Variants in CCDC144A observed in about 807,000 individuals in gnomAD.
The protein encoded by CCDC144A is coiled-coil domain-containing protein 144A.
Under a neutral mutation model 143.8 loss-of-function variants are expected in CCDC144A, and 41 were observed. The observed-to-expected ratio is 0.29, with a 90% CI of 0.22 to 0.37. The LOEUF (loss-of-function observed/expected upper bound fraction) is 0.37, where lower values mean the gene tolerates loss of function less well. Ranked by LOEUF, CCDC144A falls within the 10% of genes least tolerant of loss-of-function variation. The pLI is 1.00. For missense variants in CCDC144A, 637 were observed against 1,488.8 expected, an observed-to-expected ratio of 0.43 and a Z score of 9.41; for synonymous variants, 242 against 517.9, an observed-to-expected ratio of 0.47 and a Z score of 7.23.
Position 16,734,787 on chromosome 17 carries a change from AAAAT to A in CCDC144A, c.2517_2520del (p.Lys839AsnfsTer17). On this transcript the variant is annotated frameshift_variant, in exon 12 of 17. Coordinates refer to ENST00000399273, the MANE Select transcript of CCDC144A (RefSeq NM_001382000.1). LOFTEE classifies it high-confidence loss of function. ...CTGAGACTGGAAATAGATACAATAAAAAATCAGAACAAGCAAAAGGAAAAGAAAT... is the reference window on the plus strand; with the variant it reads ...CTGAGACTGGAAATAGATACAATAAACAGAACAAGCAAAAGGAAAAGAAAT... The A allele has an allele frequency of 1.9e-6, 3 of 1,569,218 alleles. No individual in the cohort carries two copies. Among genetic ancestry groups the A allele is most frequent in the Non-Finnish European group, 2.6e-6 (3 of 1,159,364 alleles).
At position 16,709,579 on chromosome 17, in the gene CCDC144A, A is replaced by T; in HGVS notation, c.1522A>T (p.Thr508Ser). ...GCAAAAGTTTAAGAATGAGGTCAAC[A>T]CATTAGAAGAAGAGTTCCTGGCTTT... Reference protein sequence around the residue: ...DMQKFKNEVNTLEEEFLALKK... With the variant: ...DMQKFKNEVNSLEEEFLALKK... Residue 508 changes from threonine to serine, a missense_variant, in exon 5 of 17, where the codon ACA becomes TCA. Thr to Ser is a moderately conservative substitution (Grantham distance 58, BLOSUM62 1). Transcript: ENST00000399273. 6.2e-7 allele frequency: 1 copy of T among 1,611,630 alleles called. No individual in the cohort carries two copies. Among genetic ancestry groups the T allele is most frequent in the Non-Finnish European group, 8.5e-7 (1 of 1,179,626 alleles).
chr17:16,714,563 C>T (rs1015780773), intron 6 of CCDC144A, among the ~76,000 whole-genome samples: 1 of 152,098 alleles, frequency 6.6e-6, no homozygotes, highest in Non-Finnish European at 1.5e-5. Context: ...AAGAATATAT[C>T]CAGAAGCCAG....
At chr17:16,688,383 G>A (rs1470722534), upstream of CCDC144A, among the ~76,000 whole-genome samples, 1 of 151,628 alleles carries the variant, frequency 6.6e-6, no homozygotes, top group Non-Finnish European at 1.5e-5. Context: ...TATGTGCAAT[G>A]TCATACGTGT....
In CCDC144A at chr17:16,714,646, T is replaced by G. The variant is rs113311328; in HGVS notation, c.1715+2831T>G. On this transcript the variant is annotated intron_variant, in intron 6 of 16. Coordinates refer to ENST00000399273, the MANE Select transcript of CCDC144A (RefSeq NM_001382000.1). ...GTAATAGACTGTTAATTGGTCTGTT[T>G]TTTTTTTTTAAAGAAACCTCTTTTC... 3.0e-3 allele frequency among the ~76,000 whole-genome samples: 462 copies of G among 152,186 alleles called. 3 individuals carry two copies. The highest frequency in any genetic ancestry group is 0.01 in the African/African-American group (432 of 41,514).
In CCDC144A at chr17:16,701,777, C is replaced by A. The variant is rs1199207206; in HGVS notation, c.416-3374C>A. On this transcript the variant is annotated intron_variant, in intron 2 of 16. Transcript: ENST00000399273. The stretch of plus-strand genomic sequence containing the variant: ...AAAGCGTGATCTCTGTAGACGTTTG[C>A]CACGTAACGGGGAGGGTGGGGAAAA... Among the ~76,000 whole-genome samples, 4 of 151,340 alleles carry A rather than the reference C, an allele frequency of 2.6e-5. No homozygotes were observed. The Admixed American group carries it at 2.6e-4, about 10-fold the overall frequency.
At chr17:16,681,069 G>A in the CCDC144A span, among the ~76,000 whole-genome samples, 178 of 152,028 alleles carry the variant, frequency 1.2e-3, no homozygotes, top group African/African-American at 3.7e-3. Context: ...AAATGTTATC[G>A]AGGTAGATTT....
intron 11 of CCDC144A, 103 bp from the exon 12 acceptor site, chr17:16,734,587 T>G (rs1913906180): frequency 9.1e-7 from 1 of 1,103,540 alleles, no homozygotes; most frequent in African/African-American, 1.6e-5. Flanking sequence ...CAGTTGGATA[T>G]CCACTTATGG....
intron 2 of CCDC144A, among the ~76,000 whole-genome samples, chr17:16,703,330 T>C (rs887541755): frequency 6.6e-6 from 1 of 151,732 alleles, no homozygotes; most frequent in African/African-American, 2.4e-5. Context: ...TTGAGGTCAG[T>C]CCTTATTGAC....
At chr17:16,723,027 G>GT (rs1407813755) in intron 8 of CCDC144A, among the ~76,000 whole-genome samples, 1 of 149,862 alleles carries the variant, frequency 6.7e-6, no homozygotes, top group African/African-American at 2.5e-5. Context: ...AGAATGAGTT[G>GT]TATTTCTCCT....
chr17:16,683,905 T>G, the CCDC144A span: 2 of 1,335,270 alleles, frequency 1.5e-6, no homozygotes, highest in East Asian at 2.3e-5. Context: ...GCTGCTCCAG[T>G]AATGGGCGTA....
chr17:16,712,393 T>A (rs555148955), intron 6 of CCDC144A, among the ~76,000 whole-genome samples: 1 of 152,126 alleles, frequency 6.6e-6, no homozygotes, highest in Non-Finnish European at 1.5e-5. Flanking sequence ...ATGAAATTGA[T>A]GAATCCTTTT....
At chr17:16,695,983 G>A (rs557960724) in intron 2 of CCDC144A, among the ~76,000 whole-genome samples, 2 of 152,196 alleles carry the variant, frequency 1.3e-5, no homozygotes, top group South Asian at 4.1e-4. Context: ...GATGTGAATG[G>A]TTGGGAATGA....
At chr17:16,742,418 T>G (rs1393568212) in intron 12 of CCDC144A, among the ~76,000 whole-genome samples, 1 of 152,226 alleles carries the variant, frequency 6.6e-6, no homozygotes, top group African/African-American at 2.4e-5. Flanking sequence ...AGTATTCCAC[T>G]GTGGACATAT....
chr17:16,759,062 C>T (rs1301033918), intron 12 of CCDC144A, among the ~76,000 whole-genome samples: 2 of 152,186 alleles, frequency 1.3e-5, no homozygotes, highest in Admixed American at 1.3e-4. Context: ...CTTACACTGA[C>T]AGTCTTGGCT....
At chr17:16,694,235 C>A in intron 2 of CCDC144A, among the ~76,000 whole-genome samples, 1 of 151,924 alleles carries the variant, frequency 6.6e-6, no homozygotes, top group African/African-American at 2.4e-5. Flanking sequence ...AAATTAGTTT[C>A]AAAACTGGAA....
intron 12 of CCDC144A, among the ~76,000 whole-genome samples, chr17:16,756,338 C>T: frequency 6.6e-6 from 1 of 152,156 alleles, no homozygotes; most frequent in Admixed American, 6.5e-5. Context: ...TGCCTGGCCT[C>T]ATATAAAGAC....
At chr17:16,741,299 T>G in intron 12 of CCDC144A, among the ~76,000 whole-genome samples, 1 of 152,062 alleles carries the variant, frequency 6.6e-6, no homozygotes, top group Non-Finnish European at 1.5e-5. Flanking sequence ...AATCAAAGGC[T>G]GAGGGACTGG....
intron 9 of CCDC144A, among the ~76,000 whole-genome samples, chr17:16,728,096 GGAGTTCACT>G (rs1913520185): frequency 6.6e-6 from 1 of 152,156 alleles, no homozygotes; most frequent in African/African-American, 2.4e-5. Context: ...GCCTGGGACT[GGAGTTCACT>G]GGTGTGATCA....
intron 12 of CCDC144A, among the ~76,000 whole-genome samples, chr17:16,738,976 G>T (rs1199796465): frequency 1.4e-5 from 2 of 145,974 alleles, no homozygotes; most frequent in Non-Finnish European, 3.0e-5. Context: ...GATTGAAAAA[G>T]AATTCCAACC....
Sources: gnomAD v4.1 joint callset for allele counts (sites outside exome capture counted in the v4.1 genomes callset) on GRCh38, gnomAD v4.1.1 for gene constraint, MANE v1.5 for transcripts, NCBI Gene and HGNC (gene_info 2026-07-23, HGNC 2026-07-21) for gene names.